The following GDE1 variants were observed in gnomAD, a reference collection of about 807,000 sequenced individuals.
GDE1 encodes the protein glycerophosphodiester phosphodiesterase 1, also known as RGS16-interacting membrane protein.
In GDE1, 24 loss-of-function variants were observed where a neutral mutation model predicts 32.2. The ratio of observed to expected loss-of-function variants is 0.75; its 90% CI spans 0.54 to 1.05. The LOEUF is 1.05. Ranked by LOEUF, GDE1 falls within the 50% of genes least tolerant of loss-of-function variation. GDE1 has a pLI of 0.00. For synonymous variants in GDE1, 159 were observed against 158.6 expected (o/e 1.00, Z -0.02); for missense variants, 380 against 415.0 (o/e 0.92, Z 0.73).
chr16:19,516,094 G>C (rs1969377230), intron 2 of GDE1, among the ~76,000 whole-genome samples: 1 of 152,144 alleles, frequency 6.6e-6, no homozygotes, highest in Non-Finnish European at 1.5e-5. Context: ...TACACTGTTT[G>C]ATCTTACTTG....
At chr16:19,506,726 T>C (rs2151445228) in intron 4 of GDE1, among the ~76,000 whole-genome samples, 1 of 152,342 alleles carries the variant, frequency 6.6e-6, no homozygotes, top group South Asian at 2.1e-4. Flanking sequence ...AAAACAACCA[T>C]TTATGACATT....
chr16:19,518,043 A>G (rs921553574), intron 1 of GDE1, among the ~76,000 whole-genome samples: 1 of 151,902 alleles, frequency 6.6e-6, no homozygotes, highest in African/African-American at 2.4e-5. Flanking sequence ...ACGTGCCACC[A>G]TGCCCAGCTA....
intron 3 of GDE1, 91 bp downstream of exon 3, chr16:19,510,748 A>G (rs1373374754): frequency 5.2e-6 from 3 of 576,314 alleles, no homozygotes; most frequent in Admixed American, 3.1e-5. Flanking sequence ...TTTAAAAAGA[A>G]TAAATAACAA....
intron 4 of GDE1, among the ~76,000 whole-genome samples, chr16:19,506,324 C>CA (rs1000920389): frequency 6.6e-6 from 1 of 150,728 alleles, no homozygotes; most frequent in Non-Finnish European, 1.5e-5. Context: ...ACAAAAAAAA[C>CA]AGAGAGAGAG....
At chr16:19,521,452 C>G in intron 1 of GDE1, 1 of 526,454 alleles carries the variant, frequency 1.9e-6, no homozygotes, top group South Asian at 2.9e-5. Context: ...CACTTTTGAC[C>G]TTGTTCCTGG....
rs534319317 is a variant in GDE1, at chr16:19,521,873, G to A, written c.92C>T (p.Ala31Val). 4.2e-5 allele frequency: 67 copies of A among 1,605,284 alleles called. No homozygotes were observed. The South Asian group carries it at 7.0e-4, about 17-fold the overall frequency. The change falls in exon 1 of 6, where the codon GCC (alanine) becomes GTC (valine). Residue 31 changes from alanine (A) to valine (V), a missense_variant. Transcript: ENST00000353258. ...GAAGAGGCTGCCGGTGAGGAGGCAGGCATTGACCGGGCTCCGCGTCACCAG... is the reference window on the plus strand; with the variant it reads ...GAAGAGGCTGCCGGTGAGGAGGCAGACATTGACCGGGCTCCGCGTCACCAG... ...LLLVTRSPVN[A>V]CLLTGSLFVL...
chr16:19,510,762 A>G, intron 3 of GDE1, 77 bp downstream of exon 3: 1 of 645,020 alleles, frequency 1.6e-6, no homozygotes, highest in Admixed American at 2.8e-5. Flanking sequence ...ATAACAAAAT[A>G]TATGTAACTT....
chr16:19,503,525 A>C lies in GDE1; in HGVS notation c.941T>G (p.Leu314Arg). Residue 314 changes from leucine to arginine, a missense_variant, in exon 6 of 6, where the codon CTT becomes CGT. By Grantham distance (102) the Leu-to-Arg change is moderately radical (BLOSUM62 -2). Coordinates refer to ENST00000353258, the MANE Select transcript of GDE1 (RefSeq NM_016641.4). ...GCTGTCAGTGATATAGCTGGAACCA[A>C]GATGGGATTCGTAGTAACTCTTTTC... ...FDEKSYYESH[L>R]GSSYITDSMV... 1 of 1,613,748 alleles carries C rather than the reference A, an allele frequency of 6.2e-7. No individual in the cohort carries two copies. The highest frequency in any genetic ancestry group is 1.3e-5 in the African/African-American group (1 of 75,036).
chr16:19,507,566 C>G, intron 4 of GDE1, 121 bp downstream of exon 4: 6 of 639,690 alleles, frequency 9.4e-6, no homozygotes, highest in Non-Finnish European at 1.7e-5. Context: ...AAAAGAGGAG[C>G]TTCTCAACTG....
In GDE1 at chr16:19,507,753, A is replaced by G. The variant is rs765880282; in HGVS notation, c.570T>C (p.Tyr190=). The G allele has an allele frequency of 3.2e-6, 5 of 1,555,556 alleles. No homozygotes were observed. Among genetic ancestry groups the G allele is most frequent in the Non-Finnish European group, 1.8e-6 (2 of 1,128,118 alleles). ...TATTATACAGTTGAGGAAATTCCAT[A>G]TACATTTTCTTTAGAGCCTCAGTAG... ...HKATEALKKM[Y]MEFPQLYNNS... is the part of the protein sequence containing the mutation. Residue 190 remains tyrosine (Y), a synonymous_variant, in exon 4 of 6, where the codon TAT becomes TAC. Transcript: ENST00000353258.
rs750114182 is a variant in GDE1 at position 19,503,553 on chromosome 16, C to T, written c.913G>A (p.Asp305Asn). 6 of 1,613,310 alleles carry T rather than the reference C, an allele frequency of 3.7e-6. No individual in the cohort carries two copies. Among genetic ancestry groups the T allele is most frequent in the Non-Finnish European group, 5.1e-6 (6 of 1,179,240 alleles). ...QVVGWTVNTF[D>N]EKSYYESHLG... The stretch of plus-strand genomic sequence containing the variant: ...TGGGATTCGTAGTAACTCTTTTCAT[C>T]AAAGGTATTAACAGTCCAACCAACA... Residue 305 changes from aspartate (D) to asparagine (N), a missense_variant, in exon 6 of 6, where the codon GAT (aspartate) becomes AAT (asparagine). Coordinates refer to ENST00000353258, the MANE Select transcript of GDE1 (RefSeq NM_016641.4).
intron 1 of GDE1, 147 bp downstream of exon 1, chr16:19,521,557 C>T (rs1418832281): frequency 1.2e-6 from 1 of 818,304 alleles, no homozygotes; most frequent in South Asian, 1.8e-5. Context: ...TCCCTAGACA[C>T]TGGGAGCGAT....
intron 4 of GDE1, among the ~76,000 whole-genome samples, chr16:19,507,264 C>T (rs2091336160): frequency 6.6e-6 from 1 of 151,824 alleles, no homozygotes. Flanking sequence ...TGGGGAGGAT[C>T]AATGGGGTTA....
intron 2 of GDE1, among the ~76,000 whole-genome samples, chr16:19,515,219 C>T (rs1228217519): frequency 6.6e-6 from 1 of 152,178 alleles, no homozygotes; most frequent in Admixed American, 6.5e-5. Context: ...ATCCTCCTCT[C>T]AGGACAAGCA....
intron 4 of GDE1, among the ~76,000 whole-genome samples, chr16:19,505,733 G>A (rs964183922): frequency 6.6e-6 from 1 of 152,168 alleles, no homozygotes; most frequent in Non-Finnish European, 1.5e-5. Flanking sequence ...ATGTCTGCAA[G>A]CCCCATGACC....
At chr16:19,519,392 G>A (rs915701218) in intron 1 of GDE1, among the ~76,000 whole-genome samples, 1 of 151,468 alleles carries the variant, frequency 6.6e-6, no homozygotes, top group Non-Finnish European at 1.5e-5. Flanking sequence ...TGTAGCAAGG[G>A]CTGAGAGTTA....
rs1035428466 is a variant in GDE1 at position 19,510,833 on chromosome 16, C to G, written c.543+6G>C. 3 of 1,425,650 alleles carry G rather than the reference C, an allele frequency of 2.1e-6. No individual in the cohort carries two copies. The highest frequency in any genetic ancestry group is 2.9e-5 in the African/African-American group (2 of 70,166). 88.3% of individuals were successfully genotyped at this position (1,425,650 alleles called of 1,614,324 possible). On this transcript the variant is annotated splice_donor_region_variant and intron_variant, in intron 3 of 5. Transcript: ENST00000353258. ...AACAAAGTGAAGTCCACAATTTAAA[C>G]TGTACCTTGTGTGCATGGCCTTTGA...
At position 19,517,015 on chromosome 16, in the gene GDE1, T is replaced by G. The variant is rs200309947; in HGVS notation, c.436A>C (p.Arg146=). 6.2e-7 allele frequency: 1 copy of G among 1,613,206 alleles called. No individual in the cohort carries two copies. ...TTTAAGTGACAATAAACTACTTACC[T>G]GAGTCTGTGGTTTGCTGCAGGATTC... ...KLNPAANHRL[R]NDFPDEKIPT... Residue 146 remains arginine, a splice_region_variant and synonymous_variant, in exon 2 of 6, where the codon AGG becomes CGG. Coordinates refer to ENST00000353258, the MANE Select transcript of GDE1 (RefSeq NM_016641.4).
chr16:19,502,374 C>CTTTTT lies in GDE1; in HGVS notation c.*1091_*1095dup, dbSNP rs59519757. 1.2e-5 allele frequency: 1 copy of CTTTTT among 82,190 alleles called. No homozygotes were observed. Among genetic ancestry groups the CTTTTT allele is most frequent in the Admixed American group, 1.5e-4 (1 of 6,686 alleles). 5.1% of individuals were successfully genotyped at this position (82,190 alleles called of 1,614,324 possible). A position where few individuals can be genotyped will look rare whatever the true frequency, so the allele number is the denominator to read the frequency against. On this transcript the variant is annotated 3_prime_UTR_variant, in exon 6 of 6. Transcript: ENST00000353258. ...AAGATGTTCTAGAAGTTCTAGTTAT[C>CTTTTT]TTTTTTTTTTTTTTTTTTTTTTTTT...
Sources: gnomAD v4.1 joint callset for allele counts (sites outside exome capture counted in the v4.1 genomes callset) on GRCh38, gnomAD v4.1.1 for gene constraint, MANE v1.5 for transcripts, NCBI Gene and HGNC (gene_info 2026-07-23, HGNC 2026-07-21) for gene names.